The following AMER3 variants were observed in gnomAD, a reference collection of about 807,000 sequenced individuals.
AMER3 encodes APC membrane recruitment protein 3, also known as family with sequence similarity 123C.
For synonymous variants in AMER3, 541 were observed against 485.5 expected (o/e 1.11, Z -1.50); for missense variants, 1,201 against 1,139.4 (o/e 1.05, Z -0.78).
chr2:130,766,657 T>C lies in AMER3; in HGVS notation c.*1999T>C, dbSNP rs272100. On this transcript the variant is annotated 3_prime_UTR_variant, in exon 2 of 2. Transcript: ENST00000321420. ...GACTACAGGCGTGCGCCACCTTGCC[T>C]GGCTAATTTTTCTATTTTTTTGTAG... is the stretch of plus-strand genomic sequence containing the variant. 0.95 allele frequency: 145,793 copies of C among 152,844 alleles called. 69,562 individuals are homozygous for C. Among genetic ancestry groups the C allele is most frequent in the East Asian group, 1 (5,158 of 5,160 alleles). 9.5% of individuals were successfully genotyped at this position (152,844 alleles called of 1,614,324 possible).
intron 1 of AMER3, among the ~76,000 whole-genome samples, chr2:130,761,554 G>A (rs72854995): frequency 0.022 from 3,383 of 152,274 alleles, 125 homozygotes; most frequent in East Asian, 0.16. Context: ...ACACAGTCCT[G>A]GAGTCTGCAA....
Position 130,762,008 on chromosome 2 carries a change from G to A in AMER3, c.-19-46G>A. On this transcript the variant is annotated intron_variant, in intron 1 of 1. Transcript: ENST00000321420. ...GTAGGCAGGGTCTTCCAGAGCCCAG[G>A]GCCCTCCCGTCTATGATACTGAGTG... 3.3e-6 allele frequency: 5 copies of A among 1,536,338 alleles called. No individual in the cohort carries two copies. In the South Asian group the frequency reaches 4.9e-5, roughly 15 times the overall value.
Position 130,765,807 on chromosome 2 carries a change from G to C in AMER3, c.*1149G>C, listed in dbSNP as rs1411134081. On this transcript the variant is annotated 3_prime_UTR_variant, in exon 2 of 2. Coordinates refer to ENST00000321420, the MANE Select transcript of AMER3 (RefSeq NM_152698.3). ...CCTGGGCCTCAGCAGATTGAATGCT[G>C]CCCACCAACATTGAGGGTGGATCTT... 1.2e-5 allele frequency: 2 copies of C among 166,936 alleles called. No homozygotes were observed. The highest frequency in any genetic ancestry group is 2.4e-5 in the African/African-American group (1 of 41,410). 10.3% of individuals were successfully genotyped at this position (166,936 alleles called of 1,614,324 possible). A position where few individuals can be genotyped will look rare whatever the true frequency, so the allele number is the denominator to read the frequency against.
At position 130,759,065 on chromosome 2, in the gene AMER3, G is replaced by A. The variant is rs367884891; in HGVS notation, c.-19-2989G>A. 8.5e-5 allele frequency among the ~76,000 whole-genome samples: 13 copies of A among 152,224 alleles called. No homozygotes were observed. In the East Asian group the frequency reaches 1.3e-3, roughly 16 times the overall value. ...ACACATTTCCAAAGAGACAGGTTCC[G>A]ATAAAACATTTTAATATGGATTTGG... On this transcript the variant is annotated intron_variant, in intron 1 of 1. Coordinates refer to ENST00000321420, the MANE Select transcript of AMER3 (RefSeq NM_152698.3).
chr2:130,755,674 A>G lies in AMER3; in HGVS notation c.-20A>G, dbSNP rs1420052057. The G allele has an allele frequency of 6.6e-6, 1 of 152,524 alleles. No individual in the cohort carries two copies. The highest frequency in any genetic ancestry group is 1.5e-5 in the Non-Finnish European group (1 of 68,236). The allele number at this position is 152,524 out of a possible 1,614,324, so 9.4% of individuals were successfully genotyped here. On this transcript the variant is annotated splice_region_variant and 5_prime_UTR_variant, in exon 1 of 2. Transcript: ENST00000321420. ...AGCACAGCACCAGTAGACCCCACAC[A>G]GTGAGTACCTGTAGGGCAAGTGCCT...
chr2:130,759,754 G>A (rs1467918771), intron 1 of AMER3, among the ~76,000 whole-genome samples: 5 of 152,200 alleles, frequency 3.3e-5, no homozygotes, highest in Non-Finnish European at 7.3e-5. Flanking sequence ...GAATCAGATA[G>A]ACCTGGGTTC....
chr2:130,760,652 A>C (rs1678749349), intron 1 of AMER3, among the ~76,000 whole-genome samples: 1 of 152,118 alleles, frequency 6.6e-6, no homozygotes, highest in Non-Finnish European at 1.5e-5. Context: ...ACTACCAAGA[A>C]AGGTGGAGAC....
In AMER3 at chr2:130,762,394, A is replaced by G. The variant is rs756510229; in HGVS notation, c.322A>G (p.Thr108Ala). The G allele has an allele frequency of 6.2e-7, 1 of 1,611,950 alleles. No homozygotes were observed. Among genetic ancestry groups the G allele is most frequent in the Non-Finnish European group, 8.5e-7 (1 of 1,179,722 alleles). The change falls in exon 2 of 2, where the codon ACA (threonine) becomes GCA (alanine). Residue 108 changes from threonine (T) to alanine (A), a missense_variant. Thr to Ala is a moderately conservative substitution (Grantham distance 58). Transcript: ENST00000321420. ...TGGGGCAGGCAGGGCCACGGCTGCC[A>G]CAGGGCAGCTGGTGGGCAGTGCAAG... Reference protein sequence around the residue: ...MSGAGRATAATGQLVGSASFP... With the variant: ...MSGAGRATAAAGQLVGSASFP...
At chr2:130,757,354 C>T (rs1393642123) in intron 1 of AMER3, among the ~76,000 whole-genome samples, 1 of 152,156 alleles carries the variant, frequency 6.6e-6, no homozygotes, top group East Asian at 1.9e-4. Context: ...ACCTTCTCTC[C>T]CCTAAACCCT....
At chr2:130,757,699 T>C (rs976456626) in intron 1 of AMER3, among the ~76,000 whole-genome samples, 2 of 152,318 alleles carry the variant, frequency 1.3e-5, no homozygotes, top group Admixed American at 1.3e-4. Flanking sequence ...GTCTTTTAAG[T>C]TTGGTTTAAA....
Position 130,764,043 on chromosome 2 carries a change from C to T in AMER3, c.1971C>T (p.Pro657=), listed in dbSNP as rs1410967751. 1 of 1,612,834 alleles carries T rather than the reference C, an allele frequency of 6.2e-7. No individual in the cohort carries two copies. The highest frequency in any genetic ancestry group is 2.2e-5 in the East Asian group (1 of 44,850). The change falls in exon 2 of 2, where the codon CCC becomes CCT. Residue 657 remains proline, a synonymous_variant. Transcript: ENST00000321420. ...GGGTCCTGGGGTGTTTCCGAGGCCC[C>T]TGGAGGCCAGGTCACGGAGGTGACA... The part of the protein sequence containing the change: ...PPGVLGCFRG[P]WRPGHGGDTL...
rs1678900696 is a variant in AMER3, at chr2:130,763,999, A to G, written c.1927A>G (p.Lys643Glu). The G allele has an allele frequency of 1.9e-6, 3 of 1,613,182 alleles. No homozygotes were observed. The highest frequency in any genetic ancestry group is 2.7e-5 in the African/African-American group (2 of 74,912). The change falls in exon 2 of 2, where the codon AAG becomes GAG. Residue 643 changes from lysine to glutamate, a missense_variant. Physicochemically the swap from Lys to Glu is moderately conservative, Grantham distance 56. Transcript: ENST00000321420. The part of the protein sequence containing the change: ...PVPSTWPCSQ[K>E]EPGPPGVLGC... ...TCCTTCTACCTGGCCCTGCTCCCAGAAGGAGCCTGGGCCACCAGGGGTCCT... is the reference window on the plus strand; with the variant it reads ...TCCTTCTACCTGGCCCTGCTCCCAGGAGGAGCCTGGGCCACCAGGGGTCCT...
Position 130,764,779 on chromosome 2 carries a change from A to T in AMER3, c.*121A>T, listed in dbSNP as rs1479932275. ...GACTGTGTTGGGGGTGGGGGGTGGC[A>T]GGACTCAGGCATGCAGAGGGTAGCA... is the stretch of plus-strand genomic sequence containing the variant. On this transcript the variant is annotated 3_prime_UTR_variant, in exon 2 of 2. Transcript: ENST00000321420. 5.6e-6 allele frequency: 7 copies of T among 1,239,628 alleles called. No homozygotes were observed. In the Admixed American group the frequency reaches 2.0e-4, roughly 35 times the overall value. 76.8% of individuals were successfully genotyped at this position (1,239,628 alleles called of 1,614,324 possible). A position where few individuals can be genotyped will look rare whatever the true frequency, so the allele number is the denominator to read the frequency against.
chr2:130,757,202 G>A (rs1485992025), intron 1 of AMER3, among the ~76,000 whole-genome samples: 2 of 152,258 alleles, frequency 1.3e-5, no homozygotes, highest in East Asian at 3.9e-4. Flanking sequence ...AGAAAAAGCT[G>A]GGCAGCTAAG....
intron 1 of AMER3, among the ~76,000 whole-genome samples, chr2:130,758,491 CTG>C (rs1678680127): frequency 6.6e-6 from 1 of 152,170 alleles, no homozygotes; most frequent in African/African-American, 2.4e-5. Context: ...TCCACATAAA[CTG>C]TATCACAGAA....
rs1276510017 is a variant in AMER3 at position 130,764,064 on chromosome 2, T to G, written c.1992T>G (p.Gly664=). Residue 664 remains glycine (G), a synonymous_variant, in exon 2 of 2, where the codon GGT becomes GGG. Transcript: ENST00000321420. ...GCCCCTGGAGGCCAGGTCACGGAGG[T>G]GACACTCTGGATGCAGAGCCCATGC... ...FRGPWRPGHG[G]DTLDAEPMLA... 17 of 1,611,894 alleles carry G rather than the reference T, an allele frequency of 1.1e-5. No homozygotes were observed. The highest frequency in any genetic ancestry group is 1.4e-5 in the Non-Finnish European group (17 of 1,179,416).
Position 130,764,194 on chromosome 2 carries a change from C to T in AMER3, c.2122C>T (p.Gln708Ter). Reference sequence around the variant, plus strand: ...AGACATGGGCAGTGGGCTCTTTGGGCAGCGCTGGGCCAGGGGCCCTGACAT... The same window carrying T: ...AGACATGGGCAGTGGGCTCTTTGGGTAGCGCTGGGCCAGGGGCCCTGACAT... The part of the protein sequence containing the change: ...RQDMGSGLFG[Q>*]RWARGPDMLE... Residue 708 changes from glutamine (Q) to a stop codon, truncating the protein, a stop_gained, in exon 2 of 2, where the codon CAG becomes TAG. Transcript: ENST00000321420. LOFTEE classifies it low-confidence loss of function (END_TRUNC). The T allele has an allele frequency of 1.2e-6, 2 of 1,607,092 alleles. No individual in the cohort carries two copies. Among genetic ancestry groups the T allele is most frequent in the African/African-American group, 1.3e-5 (1 of 74,898 alleles).
intron 1 of AMER3, among the ~76,000 whole-genome samples, chr2:130,760,222 C>T (rs530350081): frequency 3.3e-5 from 5 of 152,334 alleles, no homozygotes; most frequent in Admixed American, 1.3e-4. Flanking sequence ...TTCTTCTCAT[C>T]CTCCAACCAA....
At position 130,762,960 on chromosome 2, in the gene AMER3, C is replaced by T. The variant is rs531954349; in HGVS notation, c.888C>T (p.Ala296=). Residue 296 remains alanine, a synonymous_variant, in exon 2 of 2, where the codon GCC becomes GCT. Transcript: ENST00000321420. ...TCCAGGGCAGTGTGGAGCAGCTGGC[C>T]TCGCCCGCCCAGAATGAAGCCTCTG... ...GPLQGSVEQL[A]SPAQNEASDF... 5.6e-6 allele frequency: 9 copies of T among 1,613,060 alleles called. No individual in the cohort carries two copies. In the African/African-American group the frequency reaches 1.1e-4, roughly 19 times the overall value.
Sources: gnomAD v4.1 joint callset for allele counts (sites outside exome capture counted in the v4.1 genomes callset) on GRCh38, gnomAD v4.1.1 for gene constraint, MANE v1.5 for transcripts, NCBI Gene and HGNC (gene_info 2026-07-23, HGNC 2026-07-21) for gene names.